The following SRGAP3 variants were observed in gnomAD, a reference collection of about 807,000 sequenced individuals.
SRGAP3 encodes SLIT-ROBO Rho GTPase-activating protein 3.
In SRGAP3, 39 loss-of-function variants were observed where a neutral mutation model predicts 121.1. The ratio of observed to expected loss-of-function variants is 0.32; its 90% CI spans 0.25 to 0.42. The LOEUF is 0.42. Ranked by LOEUF, SRGAP3 falls within the 10% of genes least tolerant of loss-of-function variation. The pLI, the probability that SRGAP3 is intolerant of heterozygous loss-of-function variation, is 1.00. For missense variants in SRGAP3, 1,213 were observed against 1,470.6 expected (o/e 0.82, Z 2.86); for synonymous variants, 601 against 570.0 (o/e 1.05, Z -0.77).
At position 8,994,514 on chromosome 3, in the gene SRGAP3, T is replaced by G. The variant is rs1260964538; in HGVS notation, c.2237A>C (p.Gln746Pro). Residue 746 changes from glutamine (Q) to proline (P), a missense_variant, in exon 19 of 22, where the codon CAG (glutamine) becomes CCG (proline). This residue lies in a region of SRGAP3 where 793 missense variants were observed against 1,032.9 expected (regional missense o/e 0.77). Coordinates refer to ENST00000383836, the MANE Select transcript of SRGAP3 (RefSeq NM_014850.4). ...GTCAAACTTGGCAATAGCCTCGATC[T>G]GCTCCACTTCTGGAAGGAAATCAAG... ...EPHTSDEEVEQIEAIAKFDYM... is the reference protein window; with the variant it reads ...EPHTSDEEVEPIEAIAKFDYM... The G allele has an allele frequency of 1.2e-6, 2 of 1,613,764 alleles. No individual in the cohort carries two copies. Among genetic ancestry groups the G allele is most frequent in the Admixed American group, 3.3e-5 (2 of 60,026 alleles).
At chr3:9,241,358 C>T (rs1361017453) in intron 1 of SRGAP3, among the ~76,000 whole-genome samples, 1 of 152,174 alleles carries the variant, frequency 6.6e-6, no homozygotes, top group African/African-American at 2.4e-5. Flanking sequence ...TCATCTCCAA[C>T]ATATAAACTC....
chr3:9,072,734 C>T (rs763676309), intron 4 of SRGAP3, among the ~76,000 whole-genome samples: 9 of 152,376 alleles, frequency 5.9e-5, no homozygotes, highest in Non-Finnish European at 1.3e-4. Flanking sequence ...GGCACTGGGT[C>T]AGTGTTGCCA....
chr3:9,056,807 A>G (rs1945843801), intron 7 of SRGAP3, among the ~76,000 whole-genome samples: 1 of 152,164 alleles, frequency 6.6e-6, no homozygotes, highest in African/African-American at 2.4e-5. Context: ...CTCACAGCTC[A>G]TAGCTCTTCG....
Position 9,058,383 on chromosome 3 carries a change from T to G in SRGAP3, c.891A>C (p.Glu297Asp), listed in dbSNP as rs1261963390. Residue 297 changes from glutamate (E) to aspartate (D), a missense_variant, in exon 7 of 22, where the codon GAA becomes GAC. Coordinates refer to ENST00000383836, the MANE Select transcript of SRGAP3 (RefSeq NM_014850.4). ...AEYNLETSRH[E>D]GLDVIENAVD... Reference sequence around the variant, plus strand: ...CTGCATTCTCAATGACATCCAGCCCTTCGTGGCGAGAGGTCTCCAGGTTGT... The same window carrying G: ...CTGCATTCTCAATGACATCCAGCCCGTCGTGGCGAGAGGTCTCCAGGTTGT... The G allele has an allele frequency of 6.2e-7, 1 of 1,614,092 alleles. No homozygotes were observed. The highest frequency in any genetic ancestry group is 1.3e-5 in the African/African-American group (1 of 74,938).
At chr3:9,327,546 T>C (rs1955540085) in intron 2 of SRGAP3, among the ~76,000 whole-genome samples, 1 of 152,226 alleles carries the variant, frequency 6.6e-6, no homozygotes, top group East Asian at 1.9e-4. Context: ...TTAGCAACTT[T>C]TACTTTTGGT....
At chr3:9,328,368 T>A (rs371456061) in intron 2 of SRGAP3, among the ~76,000 whole-genome samples, 133 of 152,366 alleles carry the variant, frequency 8.7e-4, no homozygotes, top group African/African-American at 3.0e-3. Context: ...GTTATAGGCT[T>A]TATGGTGGAG....
chr3:9,170,851 T>A (rs1950953138), intron 1 of SRGAP3, among the ~76,000 whole-genome samples: 1 of 152,248 alleles, frequency 6.6e-6, no homozygotes, highest in African/African-American at 2.4e-5. Flanking sequence ...CTTGCTGGTG[T>A]GTAATGAGCA....
rs1343600089 is a variant in SRGAP3 at position 9,058,548 on chromosome 3, A to T, written c.802-76T>A. 3 of 1,417,036 alleles carry T rather than the reference A, an allele frequency of 2.1e-6. No individual in the cohort carries two copies. The African/African-American group carries it at 4.2e-5, about 20-fold the overall frequency. 87.8% of individuals were successfully genotyped at this position (1,417,036 alleles called of 1,614,324 possible). A position where few individuals can be genotyped will look rare whatever the true frequency, so the allele number is the denominator to read the frequency against. ...GGGGCGGTCACTGGCCACCACAGTGACTTACAATTACCTCCCTTTCCACAG... is the reference window on the plus strand; with the variant it reads ...GGGGCGGTCACTGGCCACCACAGTGTCTTACAATTACCTCCCTTTCCACAG... On this transcript the variant is annotated intron_variant, in intron 6 of 21. Coordinates refer to ENST00000383836, the MANE Select transcript of SRGAP3 (RefSeq NM_014850.4).
chr3:9,000,485 C>G (rs368032934), intron 18 of SRGAP3, among the ~76,000 whole-genome samples: 18 of 152,150 alleles, frequency 1.2e-4, no homozygotes, highest in Non-Finnish European at 2.5e-4. Flanking sequence ...AGAACCATCC[C>G]GTAAAACAGA....
At chr3:9,199,899 T>C (rs1268429047) in intron 1 of SRGAP3, among the ~76,000 whole-genome samples, 1 of 152,184 alleles carries the variant, frequency 6.6e-6, no homozygotes, top group Non-Finnish European at 1.5e-5. Flanking sequence ...CATTGAGCTC[T>C]TAAATAAAGG....
At position 9,169,844 on chromosome 3, in the gene SRGAP3, G is replaced by C. The variant is rs964365953; in HGVS notation, c.68-44927C>G. Among the ~76,000 whole-genome samples, 3 of 152,166 alleles carry C rather than the reference G, an allele frequency of 2.0e-5. No homozygotes were observed. The South Asian group carries it at 6.2e-4, about 32-fold the overall frequency. ...CTTTCTGAAGGGGAGGATGGGTTAG[G>C]GGGGAAAAGCCTTGGAAGTCAGGGT... On this transcript the variant is annotated intron_variant, in intron 1 of 21. Transcript: ENST00000383836.
intron 4 of SRGAP3, among the ~76,000 whole-genome samples, chr3:9,073,664 G>A (rs536170012): frequency 6.6e-6 from 1 of 152,314 alleles, no homozygotes; most frequent in Admixed American, 6.5e-5. Flanking sequence ...AGGATGAAAT[G>A]GATCGGTACA....
intron 1 of SRGAP3, among the ~76,000 whole-genome samples, chr3:9,138,565 T>C (rs1949743058): frequency 6.6e-6 from 1 of 152,192 alleles, no homozygotes; most frequent in Non-Finnish European, 1.5e-5. Context: ...TGTTACTTAG[T>C]TCTGTCTCTG....
intron 2 of SRGAP3, among the ~76,000 whole-genome samples, chr3:9,329,167 C>G (rs1955564603): frequency 6.6e-6 from 1 of 152,200 alleles, no homozygotes; most frequent in Admixed American, 6.5e-5. Context: ...TAAGACTAGC[C>G]TCAGAATTCT....
intron 3 of SRGAP3, among the ~76,000 whole-genome samples, chr3:9,102,153 T>A (rs1948241369): frequency 6.6e-6 from 1 of 152,086 alleles, no homozygotes; most frequent in African/African-American, 2.4e-5. Flanking sequence ...GGGGAGTGGT[T>A]TCTATTCTTA....
chr3:9,326,800 T>G (rs1051349269), intron 2 of SRGAP3, among the ~76,000 whole-genome samples: 10 of 151,854 alleles, frequency 6.6e-5, no homozygotes, highest in Admixed American at 1.3e-4. Flanking sequence ...TTTAAAACAT[T>G]GGATATTACA....
chr3:9,172,011 G>C (rs539679320), intron 1 of SRGAP3, among the ~76,000 whole-genome samples: 1 of 151,402 alleles, frequency 6.6e-6, no homozygotes, highest in East Asian at 1.9e-4. Flanking sequence ...CCTTCTCCTT[G>C]TGTATGTCTG....
intron 3 of SRGAP3, among the ~76,000 whole-genome samples, chr3:9,305,546 C>G (rs894942397): frequency 6.6e-6 from 1 of 151,968 alleles, no homozygotes; most frequent in African/African-American, 2.4e-5. Context: ...TCTCCTAATG[C>G]TATCCGTCCC....
intron 1 of SRGAP3, among the ~76,000 whole-genome samples, chr3:9,203,251 C>T (rs1221713900): frequency 6.6e-6 from 1 of 152,152 alleles, no homozygotes; most frequent in African/African-American, 2.4e-5. Flanking sequence ...ACAATCACCC[C>T]CTCTCCCAAG....
Sources: gnomAD v4.1 joint callset for allele counts (sites outside exome capture counted in the v4.1 genomes callset) on GRCh38, gnomAD v4.1.1 for gene constraint, gnomAD v4.1.1 regional missense constraint, MANE v1.5 for transcripts, NCBI Gene and HGNC (gene_info 2026-07-23, HGNC 2026-07-21) for gene names.